GALNT10: variants seen among roughly 807,000 people sequenced by gnomAD.
GALNT10 encodes the protein polypeptide N-acetylgalactosaminyltransferase 10, also known as GalNAc transferase 10.
Under a neutral mutation model 75.0 loss-of-function variants are expected in GALNT10, and 41 were observed. The ratio of observed to expected loss-of-function variants is 0.55; its 90% CI spans 0.43 to 0.71. GALNT10 has a LOEUF of 0.71. Among genes scored for constraint, GALNT10 ranks in the 30% least tolerant of loss-of-function variants. The pLI, the probability that GALNT10 is intolerant of heterozygous loss-of-function variation, is 0.00. For synonymous variants in GALNT10, 302 were observed against 313.0 expected, an observed-to-expected ratio of 0.96 and a Z score of 0.37; for missense variants, 727 against 818.5, an observed-to-expected ratio of 0.89 and a Z score of 1.36.
At chr5:154,239,641 G>T (rs1160609738) in intron 1 of GALNT10, among the ~76,000 whole-genome samples, 1 of 152,192 alleles carries the variant, frequency 6.6e-6, no homozygotes, top group African/African-American at 2.4e-5. Context: ...GGGACTGCTG[G>T]TATAAGGTCT....
At chr5:154,259,488 G>A (rs185086152) in intron 1 of GALNT10, among the ~76,000 whole-genome samples, 13 of 152,210 alleles carry the variant, frequency 8.5e-5, no homozygotes, top group African/African-American at 2.9e-4. Context: ...TTTTTTGGAG[G>A]TGCTTTGAGA....
chr5:154,208,329 G>A lies in GALNT10; in HGVS notation c.159+17304G>A, dbSNP rs144735986. On this transcript the variant is annotated intron_variant, in intron 1 of 11. Transcript: ENST00000297107. ...CCTGAGAGCACAGTGAAGGATTCAC[G>A]TTAGCCTTCACGCTGGCTTCCTGGC... is the stretch of plus-strand genomic sequence containing the variant. Among the ~76,000 whole-genome samples the A allele has an allele frequency of 2.5e-3, 375 of 152,268 alleles. 3 individuals carry two copies. Among genetic ancestry groups the A allele is most frequent in the African/African-American group, 8.6e-3 (356 of 41,546 alleles).
At chr5:154,359,859 A>G (rs1449317659) in intron 4 of GALNT10, among the ~76,000 whole-genome samples, 1 of 151,720 alleles carries the variant, frequency 6.6e-6, no homozygotes, top group Non-Finnish European at 1.5e-5. Context: ...GATTCTTCTC[A>G]CCATTCTAAA....
intron 1 of GALNT10, among the ~76,000 whole-genome samples, chr5:154,236,333 G>A (rs1242759448): frequency 6.6e-6 from 1 of 152,206 alleles, no homozygotes; most frequent in East Asian, 1.9e-4. Context: ...CTGACCCAAT[G>A]CATCTTAGCT....
At chr5:154,279,484 G>A (rs192547964) in intron 1 of GALNT10, among the ~76,000 whole-genome samples, 2 of 151,710 alleles carry the variant, frequency 1.3e-5, no homozygotes, top group East Asian at 3.9e-4. Context: ...TGTATTTTTA[G>A]TAGAGACGGG....
intron 1 of GALNT10, among the ~76,000 whole-genome samples, chr5:154,194,024 A>G (rs1419690101): frequency 2.0e-5 from 3 of 152,190 alleles, no homozygotes; most frequent in Admixed American, 2.0e-4. Context: ...CCAAGCCCCA[A>G]TCTGTTTAAC....
At chr5:154,410,111 T>C (rs1343552520) in intron 9 of GALNT10, among the ~76,000 whole-genome samples, 3 of 152,224 alleles carry the variant, frequency 2.0e-5, no homozygotes, top group African/African-American at 7.2e-5. Flanking sequence ...TGCATAAGTA[T>C]TTCTCACCAG....
chr5:154,279,406 T>C (rs1161968929), intron 1 of GALNT10, among the ~76,000 whole-genome samples: 1 of 149,876 alleles, frequency 6.7e-6, no homozygotes. Flanking sequence ...CAGGTTCAAG[T>C]AATTCTCCTG....
chr5:154,296,528 G>C (rs1754276304), intron 2 of GALNT10, among the ~76,000 whole-genome samples: 1 of 152,174 alleles, frequency 6.6e-6, no homozygotes, highest in African/African-American at 2.4e-5. Context: ...ATAATAACCT[G>C]CATCTGTCGA....
intron 7 of GALNT10, among the ~76,000 whole-genome samples, chr5:154,399,106 C>T (rs1220578701): frequency 4.6e-5 from 7 of 152,198 alleles, no homozygotes; most frequent in Non-Finnish European, 8.8e-5. Context: ...GTTCAATGAC[C>T]TGCAGGAGGT....
intron 4 of GALNT10, among the ~76,000 whole-genome samples, chr5:154,368,297 A>G (rs1755508655): frequency 6.6e-6 from 1 of 152,222 alleles, no homozygotes; most frequent in African/African-American, 2.4e-5. Context: ...TCTTGATTAA[A>G]CTGGACTGAA....
intron 1 of GALNT10, among the ~76,000 whole-genome samples, chr5:154,217,267 C>T (rs1047994400): frequency 2.6e-5 from 4 of 152,178 alleles, no homozygotes; most frequent in Admixed American, 1.3e-4. Flanking sequence ...CAGTGGCTTC[C>T]GCCTAAAGCC....
At chr5:154,206,891 G>A (rs866385716) in intron 1 of GALNT10, among the ~76,000 whole-genome samples, 8 of 152,242 alleles carry the variant, frequency 5.3e-5, no homozygotes, top group South Asian at 2.1e-4. Context: ...CTACGGCAAC[G>A]CAGGAGCCAC....
At position 154,294,861 on chromosome 5, in the gene GALNT10, C is replaced by A; in HGVS notation, c.205C>A (p.Gln69Lys). The change falls in exon 2 of 12, where the codon CAG (glutamine) becomes AAG (lysine). Residue 69 changes from glutamine to lysine, a missense_variant. Gln to Lys is a moderately conservative substitution (Grantham distance 53). Transcript: ENST00000297107. ...QKKTFFLGDG[Q>K]KLKDWHDKEA... is the part of the protein sequence containing the mutation. ...GAAAACGTTTTTCTTGGGAGATGGGCAGAAGCTGAAGGACTGGCATGACAA... is the reference window on the plus strand; with the variant it reads ...GAAAACGTTTTTCTTGGGAGATGGGAAGAAGCTGAAGGACTGGCATGACAA... 6.2e-7 allele frequency: 1 copy of A among 1,607,642 alleles called. No individual in the cohort carries two copies. The highest frequency in any genetic ancestry group is 8.5e-7 in the Non-Finnish European group (1 of 1,174,076).
rs919479280 is a variant in GALNT10, at chr5:154,203,567, C to A, written c.159+12542C>A. ...CCATCCTTTCAGGTACCTCTGAAAT[C>A]TTTTTCTTCCCAGAAAGCCTTCCCT... On this transcript the variant is annotated intron_variant, in intron 1 of 11. Coordinates refer to ENST00000297107, the MANE Select transcript of GALNT10 (RefSeq NM_198321.4). Among the ~76,000 whole-genome samples, 4 of 152,332 alleles carry A rather than the reference C, an allele frequency of 2.6e-5. No individual in the cohort carries two copies. In the East Asian group the frequency reaches 7.7e-4, roughly 29 times the overall value.
At chr5:154,334,879 C>T (rs1209608206) in intron 4 of GALNT10, among the ~76,000 whole-genome samples, 2 of 152,204 alleles carry the variant, frequency 1.3e-5, no homozygotes, top group African/African-American at 2.4e-5. Context: ...CCCATGAGGC[C>T]AGGGTCAATA....
At chr5:154,192,408 C>G (rs1774871606) in intron 1 of GALNT10, among the ~76,000 whole-genome samples, 1 of 152,218 alleles carries the variant, frequency 6.6e-6, no homozygotes. Flanking sequence ...ACCTCTCTCC[C>G]TGAAATTCTG....
intron 1 of GALNT10, among the ~76,000 whole-genome samples, chr5:154,285,939 A>G (rs1338332614): frequency 6.6e-6 from 1 of 152,138 alleles, no homozygotes; most frequent in Non-Finnish European, 1.5e-5. Flanking sequence ...CAGCCACAGA[A>G]TCTTTGCATA....
intron 6 of GALNT10, among the ~76,000 whole-genome samples, chr5:154,382,148 C>T (rs1477071040): frequency 6.6e-6 from 1 of 152,224 alleles, no homozygotes; most frequent in African/African-American, 2.4e-5. Context: ...GGGCATGGTG[C>T]ATACCCAGGG....
Sources: allele counts gnomAD v4.1 joint callset (sites outside exome capture counted in the v4.1 genomes callset), GRCh38; gene constraint gnomAD v4.1.1; transcripts MANE v1.5; gene names NCBI Gene and HGNC (gene_info 2026-07-23, HGNC 2026-07-21).